The following SAMD4B variants were observed in gnomAD, a reference collection of about 807,000 sequenced individuals.
SAMD4B encodes protein Smaug homolog 2.
Under a neutral mutation model 74.5 loss-of-function variants are expected in SAMD4B, and 5 were observed. The ratio of observed to expected loss-of-function variants is 0.07; its 90% CI spans 0.04 to 0.14. The LOEUF is 0.14. Among genes scored for constraint, SAMD4B ranks in the 10% least tolerant of loss-of-function variants. The pLI, the probability that SAMD4B is intolerant of heterozygous loss-of-function variation, is 1.00. For missense variants in SAMD4B, 608 were observed against 921.8 expected (o/e 0.66, Z 4.41); for synonymous variants, 373 against 374.9 (o/e 1.00, Z 0.06).
intron 3 of SAMD4B, chr19:39,369,143 C>G (rs752180813): frequency 6.4e-6 from 1 of 155,408 alleles, no homozygotes; most frequent in African/African-American, 2.4e-5. Flanking sequence ...AGAAAAATTA[C>G]TCTACACCAG....
chr19:39,389,852 A>G (rs1409165018), downstream of SAMD4B: 18 of 1,545,862 alleles, frequency 1.2e-5, no homozygotes, highest in Non-Finnish European at 1.1e-5. This position sits in a 1 kb window ranked among gnomAD's most constrained non-coding sequence, Gnocchi z 5.3. Context: ...CTGGGGAGGA[A>G]CTCAGAATGA....
chr19:39,352,134 C>A (rs2076076264), intron 1 of SAMD4B: 1 of 152,186 alleles, frequency 6.6e-6, no homozygotes, highest in Non-Finnish European at 1.5e-5. Context: ...ACATAGGAAC[C>A]CTACCTTCAG....
Position 39,375,851 on chromosome 19 carries a change from G to A in SAMD4B, c.869G>A (p.Ser290Asn). Residue 290 changes from serine (S) to asparagine (N), a missense_variant, in exon 5 of 14, where the codon AGC becomes AAC. Physicochemically the swap from Ser to Asn is conservative, Grantham distance 46. This residue lies in a region of SAMD4B where 31 missense variants were observed against 43.4 expected (regional missense o/e 0.71). Coordinates refer to ENST00000610417, the MANE Select transcript of SAMD4B (RefSeq NM_001384574.2). This position sits in a 1 kb window ranked among gnomAD's most constrained non-coding sequence, Gnocchi z 4.1. Reference sequence around the variant, plus strand: ...GAGCAGACAGAGGAGCAGGGCTCCAGCCGGAACACCTTCCAGGAGGATGGC... The same window carrying A: ...GAGCAGACAGAGGAGCAGGGCTCCAACCGGAACACCTTCCAGGAGGATGGC... ...GSEQTEEQGS[S>N]RNTFQEDGSG... 6.2e-7 allele frequency: 1 copy of A among 1,611,890 alleles called. No individual in the cohort carries two copies. The highest frequency in any genetic ancestry group is 8.5e-7 in the Non-Finnish European group (1 of 1,179,966).
intron 4 of SAMD4B, among the ~76,000 whole-genome samples, chr19:39,374,630 A>G (rs1278252000): frequency 6.6e-6 from 1 of 152,166 alleles, no homozygotes; most frequent in Non-Finnish European, 1.5e-5. Context: ...TCACGAGGTC[A>G]GGAGATTGAG....
At chr19:39,389,711 A>T, downstream of SAMD4B, 1 of 1,614,062 alleles carries the variant, frequency 6.2e-7, no homozygotes. The surrounding 1 kb of genome is among the most constrained non-coding windows in gnomAD (Gnocchi z 5.3). Flanking sequence ...CTCAGTCAGG[A>T]GGTCATGTTT....
intron 5 of SAMD4B, 123 bp from the exon 6 acceptor site, chr19:39,376,314 C>T: frequency 8.1e-6 from 6 of 742,096 alleles, no homozygotes; most frequent in South Asian, 6.8e-5. Context: ...TTAGCTCCCC[C>T]CAACCCCCTC....
downstream of SAMD4B, chr19:39,388,694 A>C: frequency 6.2e-7 from 1 of 1,612,400 alleles, no homozygotes; most frequent in Non-Finnish European, 8.5e-7. Context: ...GGGGAAAAGG[A>C]GTAGCAATGA....
At chr19:39,361,305 G>C (rs2076631367) in intron 3 of SAMD4B, among the ~76,000 whole-genome samples, 1 of 152,110 alleles carries the variant, frequency 6.6e-6, no homozygotes. Flanking sequence ...GAGTTCAGTT[G>C]GTTCACTAGT....
the SAMD4B span, chr19:39,390,747 TG>T: frequency 6.8e-7 from 1 of 1,468,308 alleles, no homozygotes; most frequent in Admixed American, 2.0e-5. Flanking sequence ...ACCTGGGGGC[TG>T]GTGACGTTGT....
rs781284860 is a variant in SAMD4B, at chr19:39,376,387, G to A, written c.908-50G>A. The A allele has an allele frequency of 5.4e-6, 8 of 1,481,204 alleles. No individual in the cohort carries two copies. In the South Asian group the frequency reaches 6.8e-5, roughly 13 times the overall value. The allele number at this position is 1,481,204 out of a possible 1,614,324, so 91.8% of individuals were successfully genotyped here. A position where few individuals can be genotyped will look rare whatever the true frequency, so the allele number is the denominator to read the frequency against. ...ATCCCCACAACTTTTCCTTTACCCTGGTAATCTGGGCCAAACTCCTGACCT... is the reference window on the plus strand; with the variant it reads ...ATCCCCACAACTTTTCCTTTACCCTAGTAATCTGGGCCAAACTCCTGACCT... On this transcript the variant is annotated intron_variant, in intron 5 of 13. Coordinates refer to ENST00000610417, the MANE Select transcript of SAMD4B (RefSeq NM_001384574.2).
downstream of SAMD4B, chr19:39,388,550 A>G (rs1333151712): frequency 8.1e-6 from 13 of 1,613,436 alleles, no homozygotes; most frequent in Non-Finnish European, 1.1e-5. Context: ...CTTAACCGCA[A>G]CCCACGCACA....
chr19:39,353,435 A>C (rs868477846), intron 1 of SAMD4B, among the ~76,000 whole-genome samples: 1 of 152,170 alleles, frequency 6.6e-6, no homozygotes, highest in African/African-American at 2.4e-5. Context: ...CTATACATTT[A>C]TACACATATA....
At position 39,378,619 on chromosome 19, in the gene SAMD4B, G is replaced by A. The variant is rs371275605; in HGVS notation, c.1530+30G>A. 3 of 1,604,796 alleles carry A rather than the reference G, an allele frequency of 1.9e-6. No homozygotes were observed. In the South Asian group the frequency reaches 3.3e-5, roughly 18 times the overall value. On this transcript the variant is annotated intron_variant, in intron 9 of 13. Transcript: ENST00000610417. The surrounding 1 kb of genome is among the most constrained non-coding windows in gnomAD (Gnocchi z 4.4). ...GGCCTTCCCTAGCATACTCAAAAAG[G>A]GAAAGGCGGCCAGGCGTGGTGGTTC...
In SAMD4B at chr19:39,375,950, C is replaced by A; in HGVS notation, c.907+61C>A. ...AGGGGCTTCTGCAGAGCTTAGAGGA[C>A]AGAAAGGAGCTTGTAGCTGACACCT... is the stretch of plus-strand genomic sequence containing the variant. On this transcript the variant is annotated intron_variant, in intron 5 of 13. Coordinates refer to ENST00000610417, the MANE Select transcript of SAMD4B (RefSeq NM_001384574.2). The surrounding 1 kb of genome is among the most constrained non-coding windows in gnomAD (Gnocchi z 4.1). 2 of 1,566,782 alleles carry A rather than the reference C, an allele frequency of 1.3e-6. No homozygotes were observed. The highest frequency in any genetic ancestry group is 4.5e-5 in the East Asian group (2 of 44,264).
Position 39,378,884 on chromosome 19 carries a change from A to G in SAMD4B, c.1530+295A>G, listed in dbSNP as rs1233052757. ...GCGCCACTGCACTCCAGCCTGGACG[A>G]CAGAGTGAGGGAAAGCCTGCCCCAT... On this transcript the variant is annotated intron_variant, in intron 9 of 13. Transcript: ENST00000610417. This position sits in a 1 kb window ranked among gnomAD's most constrained non-coding sequence, Gnocchi z 4.4. Among the ~76,000 whole-genome samples, 1 of 152,256 alleles carries G rather than the reference A, an allele frequency of 6.6e-6. No homozygotes were observed. The highest frequency in any genetic ancestry group is 2.4e-5 in the African/African-American group (1 of 41,468).
intron 1 of SAMD4B, among the ~76,000 whole-genome samples, chr19:39,348,847 G>T (rs77259802): frequency 0.016 from 2,482 of 152,218 alleles, 61 homozygotes; most frequent in African/African-American, 0.056. Context: ...TATATTTTGG[G>T]TGTACAGAAA....
intron 3 of SAMD4B, among the ~76,000 whole-genome samples, chr19:39,368,697 A>G (rs1255364964): frequency 6.6e-6 from 1 of 152,238 alleles, no homozygotes; most frequent in African/African-American, 2.4e-5. Context: ...ATCTAGAAGC[A>G]GAGAGACCAG....
chr19:39,367,890 T>C (rs924880784), intron 3 of SAMD4B, among the ~76,000 whole-genome samples: 4 of 151,456 alleles, frequency 2.6e-5, no homozygotes, highest in Non-Finnish European at 5.9e-5. Flanking sequence ...CCTGGGGCCA[T>C]ATTCTTAGGG....
chr19:39,373,867 G>A (rs1308255112), intron 4 of SAMD4B, among the ~76,000 whole-genome samples: 1 of 152,178 alleles, frequency 6.6e-6, no homozygotes, highest in South Asian at 2.1e-4. Context: ...AGGAGGCTGA[G>A]GCAGGAGAAT....
Sources: gnomAD v4.1 joint callset for allele counts (sites outside exome capture counted in the v4.1 genomes callset) on GRCh38, gnomAD v4.1.1 for gene constraint, gnomAD v4.1.1 regional missense constraint, Gnocchi (gnomAD v3.1) non-coding constraint, MANE v1.5 for transcripts, NCBI Gene and HGNC (gene_info 2026-07-23, HGNC 2026-07-21) for gene names.